Variants in EBF1 observed in about 807,000 individuals in gnomAD.
The protein encoded by EBF1 is transcription factor COE1.
EBF1 carries 10 observed loss-of-function variants against 68.4 expected under a neutral mutation model. The ratio of observed to expected loss-of-function variants is 0.15; its 90% CI spans 0.09 to 0.25. The LOEUF is 0.25. EBF1 is among the 10% of genes least tolerant of loss of function. The pLI is 1.00. For synonymous variants in EBF1, 298 were observed against 299.8 expected (o/e 0.99, Z 0.06); for missense variants, 509 against 794.4 (o/e 0.64, Z 4.32).
Position 158,751,011 on chromosome 5 carries a change from C to T in EBF1, c.1037-19854G>A, listed in dbSNP as rs530579283. Among the ~76,000 whole-genome samples, 16 of 151,794 alleles carry T rather than the reference C, an allele frequency of 1.1e-4. No individual in the cohort carries two copies. In the South Asian group the frequency reaches 1.9e-3, roughly 18 times the overall value. On this transcript the variant is annotated intron_variant, in intron 10 of 15. Transcript: ENST00000313708. ...ACATGTTTATGAAGAAATTTTAATG[C>T]GTGGGAAAATGCTTATTAGGCTATG...
chr5:159,010,441 A>G (rs1193812783), intron 6 of EBF1, among the ~76,000 whole-genome samples: 1 of 152,214 alleles, frequency 6.6e-6, no homozygotes, highest in African/African-American at 2.4e-5. Flanking sequence ...TTTTGCAAAC[A>G]AAGAGGAAAT....
intron 6 of EBF1, among the ~76,000 whole-genome samples, chr5:158,942,348 A>G (rs940635644): frequency 6.6e-6 from 1 of 152,230 alleles, no homozygotes; most frequent in Non-Finnish European, 1.5e-5. Flanking sequence ...ATTCAATCCT[A>G]GTTCTATCAC....
intron 10 of EBF1, 79 bp downstream of exon 10, chr5:158,777,334 C>G: frequency 2.2e-6 from 3 of 1,392,580 alleles, no homozygotes; most frequent in Non-Finnish European, 2.8e-6. Context: ...AAAATACATG[C>G]TTTTATACAG....
chr5:158,851,729 G>GT (rs1554163035), intron 6 of EBF1, among the ~76,000 whole-genome samples: 2 of 94,022 alleles, frequency 2.1e-5, no homozygotes, highest in African/African-American at 8.0e-5. Flanking sequence ...GGAAAGAAAG[G>GT]AAGGGAAGAG....
At chr5:158,822,443 T>C (rs765668989) in intron 8 of EBF1, among the ~76,000 whole-genome samples, 1 of 152,202 alleles carries the variant, frequency 6.6e-6, no homozygotes, top group Non-Finnish European at 1.5e-5. Context: ...CCCATGGTTC[T>C]TCTGAGTGGC....
intron 6 of EBF1, among the ~76,000 whole-genome samples, chr5:158,958,762 G>A (rs1817622781): frequency 1.3e-5 from 2 of 152,052 alleles, no homozygotes; most frequent in Non-Finnish European, 2.9e-5. Flanking sequence ...CCAGATGAGA[G>A]ACTCTTACAC....
At chr5:158,957,149 G>A (rs975394175) in intron 6 of EBF1, among the ~76,000 whole-genome samples, 1 of 152,112 alleles carries the variant, frequency 6.6e-6, no homozygotes, top group Non-Finnish European at 1.5e-5. Context: ...CTTCACAAGC[G>A]CCCTGTGAGA....
chr5:158,699,274 C>G, intron 15 of EBF1, 132 bp from the exon 16 acceptor site: 5 of 806,192 alleles, frequency 6.2e-6, no homozygotes, highest in Non-Finnish European at 9.5e-6. Flanking sequence ...CAAATTTGCT[C>G]TCATCTTCTC....
chr5:158,990,773 C>T (rs1760143528), intron 6 of EBF1, among the ~76,000 whole-genome samples: 1 of 152,178 alleles, frequency 6.6e-6, no homozygotes, highest in Non-Finnish European at 1.5e-5. Flanking sequence ...ACTAAAAAGA[C>T]AAAGGCTCAT....
chr5:158,733,607 C>A (rs900145171), intron 10 of EBF1, among the ~76,000 whole-genome samples: 4 of 152,126 alleles, frequency 2.6e-5, no homozygotes, highest in African/African-American at 9.7e-5. Context: ...ATATTAAACT[C>A]ATTATTCAAA....
At chr5:158,913,869 A>G (rs1806558950) in intron 6 of EBF1, among the ~76,000 whole-genome samples, 1 of 152,266 alleles carries the variant, frequency 6.6e-6, no homozygotes, top group Admixed American at 6.5e-5. Context: ...CAAAGGCTTT[A>G]GTTTAACTGC....
chr5:159,022,931 TAA>T (rs1767002475), intron 6 of EBF1, among the ~76,000 whole-genome samples: 1 of 152,196 alleles, frequency 6.6e-6, no homozygotes, highest in Admixed American at 6.5e-5. Context: ...AAAAATATTG[TAA>T]AGTCATCGAG....
At chr5:159,070,107 T>C (rs541865691) in intron 6 of EBF1, among the ~76,000 whole-genome samples, 1 of 152,184 alleles carries the variant, frequency 6.6e-6, no homozygotes, top group Admixed American at 6.5e-5. Context: ...TGTTATCAGT[T>C]CCTGGTTATT....
At chr5:158,869,060 T>C (rs1289718078) in intron 6 of EBF1, among the ~76,000 whole-genome samples, 1 of 152,176 alleles carries the variant, frequency 6.6e-6, no homozygotes, top group Non-Finnish European at 1.5e-5. Flanking sequence ...ACTGGTGTTT[T>C]CTGCAGTGTG....
chr5:159,033,658 C>T (rs1407566769), intron 6 of EBF1, among the ~76,000 whole-genome samples: 1 of 152,194 alleles, frequency 6.6e-6, no homozygotes, highest in Non-Finnish European at 1.5e-5. Context: ...AACAGATTTA[C>T]TGCTCAGAGT....
intron 6 of EBF1, among the ~76,000 whole-genome samples, chr5:158,980,398 AG>A (rs1296872067): frequency 8.5e-5 from 13 of 152,304 alleles, no homozygotes; most frequent in African/African-American, 3.1e-4. Flanking sequence ...CCTGCACAAA[AG>A]CTGTGCTTCC....
At chr5:158,858,391 C>T (rs990564965) in intron 6 of EBF1, among the ~76,000 whole-genome samples, 21 of 152,154 alleles carry the variant, frequency 1.4e-4, no homozygotes, top group African/African-American at 4.8e-4. Context: ...CACACATGCA[C>T]AGACACACTT....
intron 6 of EBF1, among the ~76,000 whole-genome samples, chr5:158,861,480 T>C (rs376984554): frequency 3.9e-5 from 6 of 152,190 alleles, no homozygotes; most frequent in African/African-American, 9.7e-5. Flanking sequence ...CAGTAGAGAA[T>C]TGAGTCTCTC....
intron 10 of EBF1, among the ~76,000 whole-genome samples, chr5:158,736,752 T>A (rs1282316208): frequency 6.6e-6 from 1 of 152,164 alleles, no homozygotes. Flanking sequence ...GCCTTTTTGT[T>A]CCATAATGGC....
Sources: allele counts gnomAD v4.1 joint callset (sites outside exome capture counted in the v4.1 genomes callset), GRCh38; gene constraint gnomAD v4.1.1; transcripts MANE v1.5; gene names NCBI Gene and HGNC (gene_info 2026-07-23, HGNC 2026-07-21).